Variants in OR5D3 observed in about 807,000 individuals in gnomAD.
OR5D3 encodes olfactory receptor family 5 subfamily D member 3, also known as olfactory receptor 5D3.
At chr11:55,726,216 G>C in the OR5D3 span, 8 of 399,032 alleles carry the variant, frequency 2.0e-5, no homozygotes, top group East Asian at 1.1e-4. Flanking sequence ...TTTCTCACAG[G>C]ATTCAAAAAA....
the OR5D3 span, chr11:55,728,774 A>G: frequency 1.6e-5 from 2 of 126,932 alleles, no homozygotes; most frequent in African/African-American, 5.5e-5. Context: ...AAAATTCTCA[A>G]CACTTACAGA....
the OR5D3 span, among the ~76,000 whole-genome samples, chr11:55,724,361 G>T: frequency 6.6e-6 from 1 of 152,018 alleles, no homozygotes; most frequent in South Asian, 2.1e-4. Context: ...GGAGATAAGC[G>T]AGACTAATAA....
chr11:55,727,294 A>G, the OR5D3 span: 3 of 392,382 alleles, frequency 7.6e-6, no homozygotes. Context: ...AAATAACTTT[A>G]AAGTTATAAA....
chr11:55,729,362 G>A, the OR5D3 span: 1 of 151,766 alleles, frequency 6.6e-6, no homozygotes, highest in South Asian at 2.1e-4. Context: ...GGATACAGTA[G>A]GTATAAATGT....
chr11:55,728,130 G>T, the OR5D3 span: 1 of 151,980 alleles, frequency 6.6e-6, no homozygotes, highest in Non-Finnish European at 1.5e-5. Context: ...CTGTATGTAT[G>T]TCATCTTCTT....
At chr11:55,725,387 G>T in the OR5D3 span, among the ~76,000 whole-genome samples, 1 of 151,886 alleles carries the variant, frequency 6.6e-6, no homozygotes, top group Non-Finnish European at 1.5e-5. Flanking sequence ...TAAATCAAAA[G>T]GACAGAATGC....
the OR5D3 span, among the ~76,000 whole-genome samples, chr11:55,724,277 G>T: frequency 6.6e-6 from 1 of 152,028 alleles, no homozygotes; most frequent in Non-Finnish European, 1.5e-5. Context: ...ACTCAGCAAT[G>T]AAATCAATAC....
At chr11:55,726,307 C>G in the OR5D3 span, 1 of 436,214 alleles carries the variant, frequency 2.3e-6, no homozygotes. Flanking sequence ...CCTGGTCTTC[C>G]TGACCATCTA....
At chr11:55,726,165 A>G in the OR5D3 span, 3 of 398,178 alleles carry the variant, frequency 7.5e-6, no homozygotes, top group Non-Finnish European at 1.3e-5. Context: ...TTCTTATTGC[A>G]CATATTGGCT....
the OR5D3 span, chr11:55,723,934 C>T: frequency 5.0e-6 from 2 of 396,362 alleles, no homozygotes; most frequent in South Asian, 1.3e-4. Context: ...CTCGACACTC[C>T]TACTGTTGTT....
At chr11:55,727,212 A>T in the OR5D3 span, 3 of 397,486 alleles carry the variant, frequency 7.5e-6, no homozygotes, top group African/African-American at 6.2e-5. Flanking sequence ...TTGTTCAATA[A>T]CTAGTCATTG....
chr11:55,723,841 T>C, the OR5D3 span: 1 of 366,022 alleles, frequency 2.7e-6, no homozygotes, highest in Admixed American at 4.6e-5. Context: ...AGTTTCTAGA[T>C]GTGACCTTAT....
chr11:55,727,163 A>G, the OR5D3 span: 1 of 398,780 alleles, frequency 2.5e-6, no homozygotes, highest in Non-Finnish European at 4.4e-6. Context: ...ATGTAATGCT[A>G]GAAATATTAA....
At chr11:55,728,452 C>A in the OR5D3 span, 1 of 152,032 alleles carries the variant, frequency 6.6e-6, no homozygotes, top group Non-Finnish European at 1.5e-5. Flanking sequence ...AAACAGATAA[C>A]CCATGGCTCT....
chr11:55,726,506 T>G, the OR5D3 span: 1 of 436,454 alleles, frequency 2.3e-6, no homozygotes, highest in Admixed American at 3.8e-5. Context: ...ACAGGATGCA[T>G]CATGCAATTC....
chr11:55,728,757 A>G, the OR5D3 span: 1 of 141,470 alleles, frequency 7.1e-6, no homozygotes, highest in Non-Finnish European at 1.5e-5. Context: ...GTTTAGGAAT[A>G]TACAACAAAA....
the OR5D3 span, chr11:55,726,794 T>A: frequency 1.0e-5 from 4 of 398,894 alleles, no homozygotes; most frequent in East Asian, 1.4e-4. Flanking sequence ...GACCCCTACA[T>A]GAGCCAGAAG....
At chr11:55,724,601 G>C in the OR5D3 span, among the ~76,000 whole-genome samples, 1 of 152,050 alleles carries the variant, frequency 6.6e-6, no homozygotes, top group African/African-American at 2.4e-5. Context: ...TGTGTTAGTG[G>C]TAATGAGATT....
chr11:55,725,518 A>T, the OR5D3 span, among the ~76,000 whole-genome samples: 1 of 152,112 alleles, frequency 6.6e-6, no homozygotes, highest in South Asian at 2.1e-4. Context: ...TTCATTTAAA[A>T]TTACTTCAAC....
Sources: allele counts gnomAD v4.1 joint callset (sites outside exome capture counted in the v4.1 genomes callset), GRCh38; gene constraint gnomAD v4.1.1; transcripts MANE v1.5; gene names NCBI Gene and HGNC (gene_info 2026-07-23, HGNC 2026-07-21).